Variants in AGBL4 observed in about 807,000 individuals in gnomAD.
The protein encoded by AGBL4 is cytosolic carboxypeptidase 6.
A neutral mutation model predicts 66.4 loss-of-function variants in AGBL4; 58 were observed. The observed-to-expected ratio is 0.87, with a 90% confidence interval of 0.71 to 1.09. AGBL4 has a LOEUF of 1.09. Ranked by LOEUF, AGBL4 falls within the 50% of genes least tolerant of loss-of-function variation. The pLI is 0.00. For synonymous variants in AGBL4, 234 were observed against 222.9 expected (o/e 1.05, Z -0.44); for missense variants, 579 against 631.0 (o/e 0.92, Z 0.88).
intron 4 of AGBL4, among the ~76,000 whole-genome samples, chr1:49,149,299 A>G (rs1242467474): frequency 6.6e-6 from 1 of 152,158 alleles, no homozygotes; most frequent in African/African-American, 2.4e-5. Flanking sequence ...AGCCTTTCTC[A>G]TTGTCTCCAA....
chr1:49,321,624 C>A (rs573126683), intron 3 of AGBL4, among the ~76,000 whole-genome samples: 3 of 152,170 alleles, frequency 2.0e-5, no homozygotes, highest in African/African-American at 7.2e-5. Context: ...CTACCACATG[C>A]ATATGCTTAA....
At chr1:49,464,446 G>A (rs1286120011) in intron 3 of AGBL4, among the ~76,000 whole-genome samples, 4 of 151,806 alleles carry the variant, frequency 2.6e-5, no homozygotes, top group Non-Finnish European at 5.9e-5. Context: ...GGAAGCCTTT[G>A]TGATATTTTG....
chr1:49,577,023 T>A (rs1644450734), intron 3 of AGBL4, among the ~76,000 whole-genome samples: 2 of 152,202 alleles, frequency 1.3e-5, no homozygotes, highest in African/African-American at 4.8e-5. Context: ...TGTGATTATA[T>A]ACTGATTCAA....
intron 3 of AGBL4, among the ~76,000 whole-genome samples, chr1:49,363,830 T>C (rs1412183145): frequency 1.3e-5 from 2 of 152,232 alleles, no homozygotes; most frequent in Non-Finnish European, 2.9e-5. Flanking sequence ...CACTCTGCTA[T>C]GTACTAGGGA....
chr1:49,917,244 T>C (rs1431670462), intron 1 of AGBL4, among the ~76,000 whole-genome samples: 1 of 151,802 alleles, frequency 6.6e-6, no homozygotes, highest in Non-Finnish European at 1.5e-5. Flanking sequence ...AATATTAACC[T>C]TAAATGTAAA....
chr1:49,246,683 G>C (rs915247351), intron 3 of AGBL4, among the ~76,000 whole-genome samples: 41 of 151,828 alleles, frequency 2.7e-4, no homozygotes, highest in African/African-American at 9.2e-4. Context: ...TGTTATAAGA[G>C]GGGAGGGAAG....
At chr1:49,202,657 C>T (rs555660120) in intron 4 of AGBL4, among the ~76,000 whole-genome samples, 1 of 151,908 alleles carries the variant, frequency 6.6e-6, no homozygotes, top group African/African-American at 2.4e-5. Flanking sequence ...AACTATAAAA[C>T]TCATAGAAGA....
In AGBL4 at chr1:49,406,601, T is replaced by C. The variant is rs368790884; in HGVS notation, c.283-160737A>G. 3.4e-4 allele frequency among the ~76,000 whole-genome samples: 52 copies of C among 152,226 alleles called. 1 individual carries two copies. The South Asian group carries it at 9.5e-3, about 28-fold the overall frequency. On this transcript the variant is annotated intron_variant, in intron 3 of 13. Coordinates refer to ENST00000371839, the MANE Select transcript of AGBL4 (RefSeq NM_032785.4). ...TATACAATAATATGTGATAACCCAG[T>C]ATAAAAAAATGGTACAGGTAATATA...
At chr1:49,385,818 A>ACTT (rs1270155460) in intron 3 of AGBL4, among the ~76,000 whole-genome samples, 6 of 152,032 alleles carry the variant, frequency 3.9e-5, no homozygotes, top group Non-Finnish European at 8.8e-5. Context: ...TGTGGCCTAA[A>ACTT]CTTTATAGAT....
At chr1:48,610,186 G>A (rs148366670) in intron 9 of AGBL4, among the ~76,000 whole-genome samples, 25 of 152,350 alleles carry the variant, frequency 1.6e-4, no homozygotes, top group Non-Finnish European at 2.4e-4. Context: ...GCCTGACTAC[G>A]TTGTACCACA....
chr1:49,335,815 T>A (rs1434504602), intron 3 of AGBL4, among the ~76,000 whole-genome samples: 1 of 152,190 alleles, frequency 6.6e-6, no homozygotes, highest in Admixed American at 6.5e-5. Context: ...GTGCCTGGCC[T>A]AAAATCTGAA....
chr1:49,217,575 T>C (rs879707342), intron 4 of AGBL4, among the ~76,000 whole-genome samples: 1 of 152,174 alleles, frequency 6.6e-6, no homozygotes, highest in Admixed American at 6.6e-5. Context: ...TTCACTTGTT[T>C]ACATGTATCT....
At chr1:49,998,367 C>A (rs1334288947) in intron 1 of AGBL4, among the ~76,000 whole-genome samples, 2 of 151,972 alleles carry the variant, frequency 1.3e-5, no homozygotes, top group African/African-American at 4.8e-5. Context: ...AAATATACAA[C>A]CCTCCTAGAT....
intron 3 of AGBL4, among the ~76,000 whole-genome samples, chr1:49,403,324 A>G (rs1056010713): frequency 2.0e-5 from 3 of 152,124 alleles, no homozygotes; most frequent in Admixed American, 6.5e-5. Context: ...GGCATGGAAT[A>G]TCTTTTCCAT....
At chr1:49,554,953 T>G (rs1571020151) in intron 3 of AGBL4, among the ~76,000 whole-genome samples, 1 of 152,140 alleles carries the variant, frequency 6.6e-6, no homozygotes, top group Admixed American at 6.5e-5. Flanking sequence ...ACGGTGAGTG[T>G]TAAAGCTCTT....
intron 3 of AGBL4, among the ~76,000 whole-genome samples, chr1:49,572,409 T>C (rs1233956168): frequency 2.6e-5 from 4 of 152,214 alleles, no homozygotes; most frequent in Non-Finnish European, 5.9e-5. Context: ...TCAGTTATAA[T>C]GTCTTGTTAC....
intron 5 of AGBL4, among the ~76,000 whole-genome samples, chr1:48,990,537 G>T (rs1161806654): frequency 2.0e-5 from 3 of 152,076 alleles, no homozygotes; most frequent in Non-Finnish European, 2.9e-5. Flanking sequence ...ATATAAGTCT[G>T]TAACCCACTT....
intron 3 of AGBL4, among the ~76,000 whole-genome samples, chr1:49,542,206 G>A (rs1320356097): frequency 6.6e-6 from 1 of 152,174 alleles, no homozygotes; most frequent in African/African-American, 2.4e-5. Flanking sequence ...GGCCAGATAA[G>A]GGAATAAAAG....
intron 5 of AGBL4, among the ~76,000 whole-genome samples, chr1:49,005,741 C>A (rs1474925223): frequency 6.6e-6 from 1 of 152,012 alleles, no homozygotes; most frequent in Non-Finnish European, 1.5e-5. Context: ...CAGAACATAA[C>A]CCCTGAGTCC....
Sources: gnomAD v4.1 joint callset for allele counts (sites outside exome capture counted in the v4.1 genomes callset) on GRCh38, gnomAD v4.1.1 for gene constraint, MANE v1.5 for transcripts, NCBI Gene and HGNC (gene_info 2026-07-23, HGNC 2026-07-21) for gene names.